ATAD2B: variants seen among roughly 807,000 people sequenced by gnomAD.
The protein encoded by ATAD2B is ATPase family AAA domain containing 2B.
In ATAD2B, 40 loss-of-function variants were observed where a neutral mutation model predicts 167.6. The ratio of observed to expected loss-of-function variants is 0.24; its 90% CI spans 0.19 to 0.31. ATAD2B has a LOEUF of 0.31. ATAD2B is among the 10% of genes least tolerant of loss of function. The probability of loss-of-function intolerance (pLI) is 1.00; values close to 1 mark genes in which losing one functional copy is unlikely to be tolerated. For synonymous variants in ATAD2B, 579 were observed against 596.5 expected, an observed-to-expected ratio of 0.97 and a Z score of 0.43; for missense variants, 1,242 against 1,757.2, an observed-to-expected ratio of 0.71 and a Z score of 5.24.
intron 1 of ATAD2B, among the ~76,000 whole-genome samples, chr2:23,915,291 T>C (rs79806627): frequency 0.039 from 5,889 of 152,136 alleles, 111 homozygotes; most frequent in Admixed American, 0.046. Flanking sequence ...ACATGTTAAA[T>C]AGAGGGTTGA....
chr2:23,712,228 A>G, the ATAD2B span, among the ~76,000 whole-genome samples: 1 of 152,084 alleles, frequency 6.6e-6, no homozygotes, highest in Non-Finnish European at 1.5e-5. Context: ...TTAAGGCACA[A>G]TCCTCCTCCC....
At chr2:23,834,532 A>G (rs985775754) in intron 13 of ATAD2B, among the ~76,000 whole-genome samples, 2 of 151,764 alleles carry the variant, frequency 1.3e-5, no homozygotes, top group Non-Finnish European at 2.9e-5. Flanking sequence ...GTGATTTACA[A>G]AAATTATTTT....
Position 23,807,047 on chromosome 2 carries a change from C to A in ATAD2B, c.2454+3269G>T, listed in dbSNP as rs761896171. Among the ~76,000 whole-genome samples, 15 of 152,300 alleles carry A rather than the reference C, an allele frequency of 9.8e-5. No homozygotes were observed. In the East Asian group the frequency reaches 2.9e-3, roughly 29 times the overall value. On this transcript the variant is annotated intron_variant, in intron 18 of 27. Coordinates refer to ENST00000238789, the MANE Select transcript of ATAD2B (RefSeq NM_017552.4). ...CTAGCCAGGCATGGCTCTCTCTATG[C>A]AGATGACACTGTGAAGTATTCACTG...
chr2:23,764,417 G>A (rs1452270510), intron 23 of ATAD2B, among the ~76,000 whole-genome samples: 1 of 152,128 alleles, frequency 6.6e-6, no homozygotes, highest in Non-Finnish European at 1.5e-5. Context: ...CTAATTCATA[G>A]GTCTAAGCTG....
intron 17 of ATAD2B, among the ~76,000 whole-genome samples, chr2:23,813,680 G>A (rs1572872132): frequency 6.6e-6 from 1 of 152,042 alleles, no homozygotes; most frequent in Non-Finnish European, 1.5e-5. Context: ...AGGAGGTCAA[G>A]GCTGCAGTGA....
intron 22 of ATAD2B, among the ~76,000 whole-genome samples, chr2:23,767,887 CAAAAACAAACA>C (rs1259496012): frequency 2.8e-5 from 4 of 141,988 alleles, no homozygotes; most frequent in Middle Eastern, 3.7e-3. Flanking sequence ...TATAAAGATG[CAAAAACAAACA>C]AAAAACAAAC....
chr2:23,735,771 T>C, the ATAD2B span, among the ~76,000 whole-genome samples: 1 of 152,210 alleles, frequency 6.6e-6, no homozygotes, highest in African/African-American at 2.4e-5. Flanking sequence ...AGAGGTGCTG[T>C]CAGGAAAACA....
In ATAD2B at chr2:23,786,054, G is replaced by A. The variant is rs564842725; in HGVS notation, c.2946C>T (p.Ile982=). 8 of 1,612,114 alleles carry A rather than the reference G, an allele frequency of 5.0e-6. No individual in the cohort carries two copies. In the South Asian group the frequency reaches 5.5e-5, roughly 11 times the overall value. The change falls in exon 21 of 28, where the codon ATC becomes ATT. Residue 982 remains isoleucine, a synonymous_variant. Coordinates refer to ENST00000238789, the MANE Select transcript of ATAD2B (RefSeq NM_017552.4). The part of the protein sequence containing the change: ...KRLATDKRFN[I]FSKPVDIEEV... ...CTTCAATATCCACCGGTTTGCTGAA[G>A]ATGTTAAAGCGTTTATCTGTGGCCA...
intron 2 of ATAD2B, among the ~76,000 whole-genome samples, chr2:23,892,645 T>C (rs1051489102): frequency 1.3e-5 from 2 of 151,978 alleles, no homozygotes; most frequent in African/African-American, 2.4e-5. Context: ...AATTTTTGTA[T>C]TTTTAGTAGA....
Position 23,833,934 on chromosome 2 carries a change from G to C in ATAD2B, c.1713C>G (p.Asn571Lys). 6.2e-7 allele frequency: 1 copy of C among 1,602,640 alleles called. No individual in the cohort carries two copies. Among genetic ancestry groups the C allele is most frequent in the Non-Finnish European group, 8.5e-7 (1 of 1,176,610 alleles). ...PGRFDREFLF[N>K]LPDQKARKHI... ...AAACTCTTACCTTTTGATCAGGCAGGTTGAAGAGGAATTCTCTGTCAAAAC... is the reference window on the plus strand; with the variant it reads ...AAACTCTTACCTTTTGATCAGGCAGCTTGAAGAGGAATTCTCTGTCAAAAC... Residue 571 changes from asparagine (N) to lysine (K), a missense_variant, in exon 14 of 28, where the codon AAC becomes AAG. Coordinates refer to ENST00000238789, the MANE Select transcript of ATAD2B (RefSeq NM_017552.4).
intron 17 of ATAD2B, among the ~76,000 whole-genome samples, chr2:23,815,843 T>C (rs1024333935): frequency 6.6e-6 from 1 of 152,200 alleles, no homozygotes; most frequent in Non-Finnish European, 1.5e-5. Context: ...TCTTACTATC[T>C]TCTACATTTT....
intron 1 of ATAD2B, among the ~76,000 whole-genome samples, chr2:23,913,268 T>C (rs1702557768): frequency 6.6e-6 from 1 of 152,216 alleles, no homozygotes; most frequent in Non-Finnish European, 1.5e-5. Context: ...TCCATGCTGT[T>C]AGACAGGCTA....
At chr2:23,859,272 TTA>T (rs1693956986) in intron 12 of ATAD2B, among the ~76,000 whole-genome samples, 1 of 152,198 alleles carries the variant, frequency 6.6e-6, no homozygotes, top group African/African-American at 2.4e-5. Flanking sequence ...AGTCTTTTGC[TTA>T]GTGAGTTCTA....
chr2:23,703,298 G>C, the ATAD2B span: 1 of 1,548,618 alleles, frequency 6.5e-7, no homozygotes. Flanking sequence ...TGGGGTGAAC[G>C]AGGCAGGCCG....
At chr2:23,878,025 A>AAAAAAAAAAAAAAAAAAAAAGAAAAG (rs1558714074) in intron 7 of ATAD2B, among the ~76,000 whole-genome samples, 1 of 106,876 alleles carries the variant, frequency 9.4e-6, no homozygotes, top group Non-Finnish European at 2.1e-5. Flanking sequence ...AAAAAAAAAA[A>AAAAAAAAAAAAAAAAAAAAAGAAAAG]AAAAAAAAAA....
intron 1 of ATAD2B, among the ~76,000 whole-genome samples, chr2:23,920,516 G>C (rs1703752758): frequency 6.6e-6 from 1 of 152,154 alleles, no homozygotes; most frequent in Non-Finnish European, 1.5e-5. Context: ...TCATTTAACA[G>C]ATATTTATTG....
chr2:23,748,838 T>C lies in ATAD2B; in HGVS notation c.*3208A>G, dbSNP rs994830129. 5.9e-5 allele frequency: 9 copies of C among 152,058 alleles called. No individual in the cohort carries two copies. The East Asian group carries it at 1.5e-3, about 26-fold the overall frequency. 9.4% of individuals were successfully genotyped at this position (152,058 alleles called of 1,614,324 possible). A position where few individuals can be genotyped will look rare whatever the true frequency, so the allele number is the denominator to read the frequency against. ...CTAAATTAAAACTACAAACCCAAAA[T>C]AGACCATAGTTGATGAAGTCTACTT... On this transcript the variant is annotated 3_prime_UTR_variant, in exon 28 of 28. Transcript: ENST00000238789.
chr2:23,757,254 G>A (rs763366070), intron 25 of ATAD2B, among the ~76,000 whole-genome samples, 164 bp downstream of exon 25: 4 of 152,232 alleles, frequency 2.6e-5, no homozygotes, highest in East Asian at 1.9e-4. Context: ...GTGTGTGTAC[G>A]TGCACACATG....
chr2:23,861,413 G>C (rs1230099102), intron 12 of ATAD2B, among the ~76,000 whole-genome samples: 2 of 149,472 alleles, frequency 1.3e-5, no homozygotes, highest in Non-Finnish European at 3.0e-5. Context: ...CCAATACACT[G>C]TAGTGCCTTC....
Sources: gnomAD v4.1 joint callset for allele counts (sites outside exome capture counted in the v4.1 genomes callset) on GRCh38, gnomAD v4.1.1 for gene constraint, MANE v1.5 for transcripts, NCBI Gene and HGNC (gene_info 2026-07-23, HGNC 2026-07-21) for gene names.